Variants in RIMS1 observed in about 807,000 individuals in gnomAD.
RIMS1 encodes regulating synaptic membrane exocytosis protein 1.
In RIMS1, 83 loss-of-function variants were observed where a neutral mutation model predicts 214.1. The ratio of observed to expected loss-of-function variants is 0.39; its 90% confidence interval spans 0.32 to 0.47. RIMS1 has a LOEUF of 0.47. Ranked by LOEUF, RIMS1 falls within the 20% of genes least tolerant of loss-of-function variation. The pLI is 0.99. For synonymous variants in RIMS1, 793 were observed against 786.8 expected (o/e 1.01, Z -0.13); for missense variants, 2,050 against 2,161.8 (o/e 0.95, Z 1.03).
chr6:72,130,973 A>G (rs776236739), intron 4 of RIMS1, among the ~76,000 whole-genome samples: 40 of 152,208 alleles, frequency 2.6e-4, no homozygotes, highest in Non-Finnish European at 5.0e-4. Flanking sequence ...CAGTTCAGAA[A>G]GTGCAAAGTT....
intron 6 of RIMS1, among the ~76,000 whole-genome samples, chr6:72,221,660 G>A (rs1017734742): frequency 2.0e-5 from 3 of 151,892 alleles, no homozygotes; most frequent in Admixed American, 1.3e-4. Flanking sequence ...AGGTGCTATT[G>A]ACTGGCTCTT....
chr6:72,097,116 A>C lies in RIMS1; in HGVS notation c.413A>C (p.Lys138Thr). Residue 138 changes from lysine (K) to threonine (T), a missense_variant, in exon 3 of 34, where the codon AAG (lysine) becomes ACG (threonine). Lys to Thr is a moderately conservative substitution (Grantham distance 78, BLOSUM62 -1). This residue lies in a region of RIMS1 where 882 missense variants were observed against 828.9 expected (regional missense o/e 1.06). Coordinates refer to ENST00000521978, the MANE Select transcript of RIMS1 (RefSeq NM_014989.7). ...CGHLCSYCRT[K>T]FCARCGGRVS... Reference sequence around the variant, plus strand: ...CATCTCTGCTCCTATTGTCGCACTAAGTTCTGTGCGCGCTGCGGAGGCCGC... The same window carrying C: ...CATCTCTGCTCCTATTGTCGCACTACGTTCTGTGCGCGCTGCGGAGGCCGC... The C allele has an allele frequency of 1.9e-6, 3 of 1,614,024 alleles. No individual in the cohort carries two copies. Among genetic ancestry groups the C allele is most frequent in the African/African-American group, 2.7e-5 (2 of 75,064 alleles).
chr6:71,921,409 G>A (rs1053071146), intron 1 of RIMS1, among the ~76,000 whole-genome samples: 20 of 152,232 alleles, frequency 1.3e-4, no homozygotes, highest in Middle Eastern at 3.4e-3. Flanking sequence ...ATGAGCCACC[G>A]CACCCACAAG....
intron 1 of RIMS1, among the ~76,000 whole-genome samples, chr6:71,942,994 AGATGT>A (rs1786645203): frequency 6.6e-6 from 1 of 152,110 alleles, no homozygotes; most frequent in Non-Finnish European, 1.5e-5. Flanking sequence ...TATTAAGATA[AGATGT>A]AAGTCAAAAT....
intron 24 of RIMS1, among the ~76,000 whole-genome samples, chr6:72,287,526 A>T (rs1226320083): frequency 6.6e-6 from 1 of 152,124 alleles, no homozygotes; most frequent in African/African-American, 2.4e-5. Flanking sequence ...AAATGTTTAG[A>T]TACATACTTG....
At chr6:72,214,750 C>T (rs1345887160) in intron 6 of RIMS1, among the ~76,000 whole-genome samples, 1 of 151,150 alleles carries the variant, frequency 6.6e-6, no homozygotes, top group Non-Finnish European at 1.5e-5. Context: ...GAGATGGAAT[C>T]TTGCTCTGTC....
chr6:72,124,663 G>T (rs140228222), intron 4 of RIMS1, among the ~76,000 whole-genome samples: 50 of 152,128 alleles, frequency 3.3e-4, no homozygotes, highest in Middle Eastern at 3.4e-3. Flanking sequence ...TTTCTTGGAG[G>T]CTTTGTTTGT....
chr6:72,145,045 T>G (rs1401642597), intron 4 of RIMS1, among the ~76,000 whole-genome samples: 1 of 152,128 alleles, frequency 6.6e-6, no homozygotes, highest in East Asian at 1.9e-4. Flanking sequence ...GTTCTTTTGT[T>G]AAAAACAAAT....
In RIMS1 at chr6:72,079,720, CA is replaced by C. The variant is rs202102105; in HGVS notation, c.246-17222del. The stretch of plus-strand genomic sequence containing the variant: ...ATAACATAGTGAGACCCTGTATCTA[CA>C]AAAAAATTTAAAAATTAGCCAGGCA... On this transcript the variant is annotated intron_variant, in intron 2 of 33. Coordinates refer to ENST00000521978, the MANE Select transcript of RIMS1 (RefSeq NM_014989.7). Among the ~76,000 whole-genome samples the C allele has an allele frequency of 4.5e-3, 677 of 151,900 alleles. 4 individuals are homozygous for C. Among genetic ancestry groups the C allele is most frequent in the African/African-American group, 0.016 (655 of 41,418 alleles).
chr6:72,012,684 A>T (rs1019214218), intron 2 of RIMS1, among the ~76,000 whole-genome samples: 2 of 152,146 alleles, frequency 1.3e-5, no homozygotes, highest in Non-Finnish European at 2.9e-5. Flanking sequence ...GGGTGGAGAG[A>T]TGTACACAGC....
chr6:72,086,261 G>A (rs1311585123), intron 2 of RIMS1, among the ~76,000 whole-genome samples: 2 of 152,154 alleles, frequency 1.3e-5, no homozygotes, highest in South Asian at 2.1e-4. Flanking sequence ...TTCCAAAGGA[G>A]AGCCTGTATG....
chr6:72,082,521 G>C (rs1833659755), intron 2 of RIMS1, among the ~76,000 whole-genome samples: 1 of 152,148 alleles, frequency 6.6e-6, no homozygotes, highest in Non-Finnish European at 1.5e-5. Flanking sequence ...GCCCAAGAAA[G>C]TTTTGAACCC....
In RIMS1 at chr6:72,367,986, C is replaced by T. The variant is rs118088689; in HGVS notation, c.4367-22612C>T. ...ATTACCTTCAGAAGCAGGGCTTATC[C>T]GTGGAATAAAGGTATAAATGTACTT... On this transcript the variant is annotated intron_variant, in intron 29 of 33. Coordinates refer to ENST00000521978, the MANE Select transcript of RIMS1 (RefSeq NM_014989.7). 3.1e-3 allele frequency among the ~76,000 whole-genome samples: 466 copies of T among 151,990 alleles called. 2 individuals carry two copies. The highest frequency in any genetic ancestry group is 5.1e-3 in the Non-Finnish European group (349 of 67,950).
chr6:72,074,456 G>A (rs1365640091), intron 2 of RIMS1, among the ~76,000 whole-genome samples: 1 of 152,134 alleles, frequency 6.6e-6, no homozygotes, highest in South Asian at 2.1e-4. Flanking sequence ...TCGAGTACAG[G>A]AGTTCGAGAC....
intron 31 of RIMS1, among the ~76,000 whole-genome samples, chr6:72,397,456 G>A (rs2098792453): frequency 6.6e-6 from 1 of 152,084 alleles, no homozygotes; most frequent in African/African-American, 2.4e-5. Context: ...TTAGAGTGTG[G>A]GAAGCAGGAA....
intron 1 of RIMS1, among the ~76,000 whole-genome samples, chr6:71,935,842 T>C (rs1784274265): frequency 1.3e-5 from 2 of 152,190 alleles, no homozygotes; most frequent in African/African-American, 4.8e-5. Context: ...CTCTCTAAAA[T>C]ATTATGGACA....
At chr6:72,004,669 T>C (rs1283143718) in intron 2 of RIMS1, among the ~76,000 whole-genome samples, 1 of 152,164 alleles carries the variant, frequency 6.6e-6, no homozygotes, top group East Asian at 1.9e-4. Context: ...AAATGTCTTC[T>C]TTTGAGAAGT....
intron 1 of RIMS1, among the ~76,000 whole-genome samples, chr6:71,910,577 A>G (rs941066554): frequency 3.3e-5 from 5 of 151,902 alleles, no homozygotes; most frequent in African/African-American, 4.8e-5. Flanking sequence ...TACTCCCTTC[A>G]CTGTGTTCTG....
At chr6:72,356,847 T>A (rs2097664000) in intron 29 of RIMS1, among the ~76,000 whole-genome samples, 1 of 152,128 alleles carries the variant, frequency 6.6e-6, no homozygotes, top group Non-Finnish European at 1.5e-5. Flanking sequence ...CTATAAAAAA[T>A]TTTCCAAAAT....
Sources: gnomAD v4.1 joint callset for allele counts (sites outside exome capture counted in the v4.1 genomes callset) on GRCh38, gnomAD v4.1.1 for gene constraint, gnomAD v4.1.1 regional missense constraint, MANE v1.5 for transcripts, NCBI Gene and HGNC (gene_info 2026-07-23, HGNC 2026-07-21) for gene names.